The following STK38 variants were observed in gnomAD, a reference collection of about 807,000 sequenced individuals.
STK38 encodes serine/threonine kinase 38.
Under a neutral mutation model 59.0 loss-of-function variants are expected in STK38, and 26 were observed. The ratio of observed to expected loss-of-function variants is 0.44; its 90% CI spans 0.32 to 0.61. The LOEUF (loss-of-function observed/expected upper bound fraction) is 0.61, where lower values mean the gene tolerates loss of function less well. Ranked by LOEUF, STK38 falls within the 20% of genes least tolerant of loss-of-function variation. The pLI is 0.04. For missense variants in STK38, 433 were observed against 566.0 expected (o/e 0.76, Z 2.38); for synonymous variants, 175 against 176.6 (o/e 0.99, Z 0.07).
At chr6:36,528,939 T>C (rs550731822) in intron 2 of STK38, among the ~76,000 whole-genome samples, 2 of 152,332 alleles carry the variant, frequency 1.3e-5, no homozygotes, top group African/African-American at 4.8e-5. Flanking sequence ...ATTAAATTGG[T>C]TGCAGAATAC....
chr6:36,533,539 A>C (rs1240798240), intron 2 of STK38, among the ~76,000 whole-genome samples: 2 of 152,230 alleles, frequency 1.3e-5, no homozygotes, highest in Non-Finnish European at 2.9e-5. Context: ...TTAAGAATCC[A>C]AAGAATGCAA....
chr6:36,508,326 C>T (rs530453470), intron 7 of STK38, among the ~76,000 whole-genome samples: 1 of 152,266 alleles, frequency 6.6e-6, no homozygotes, highest in African/African-American at 2.4e-5. Flanking sequence ...GATGTGCATT[C>T]CATTTTCAAT....
chr6:36,532,894 G>A (rs888887317), intron 2 of STK38, among the ~76,000 whole-genome samples: 3 of 151,570 alleles, frequency 2.0e-5, no homozygotes, highest in East Asian at 1.9e-4. Flanking sequence ...GCAAAACTCC[G>A]TCTCAAAAAC....
chr6:36,542,902 T>A (rs892789539), intron 1 of STK38, among the ~76,000 whole-genome samples: 2 of 150,832 alleles, frequency 1.3e-5, no homozygotes, highest in African/African-American at 4.9e-5. Context: ...GCCGAGATCA[T>A]GCCACTGCAC....
Position 36,495,912 on chromosome 6 carries a change from C to T in STK38, c.1270G>A (p.Ala424Thr). ...TCAGTCTCAGGATGATTACTTGTGG[C>T]CACTGGGAAAGAAATAGATGTGAGA... ...PESDILKPTV[A>T]TSNHPETDYK... Residue 424 changes from alanine (A) to threonine (T), a missense_variant and splice_region_variant, in exon 14 of 14, where the codon GCC becomes ACC. By Grantham distance (58) the Ala-to-Thr change is moderately conservative. Around this residue, in one of 3 missense-constraint regions of STK38, gnomAD observed 136 missense variants for 156.7 expected, o/e 0.87. Transcript: ENST00000229812. The T allele has an allele frequency of 6.2e-7, 1 of 1,613,894 alleles. No homozygotes were observed. Among genetic ancestry groups the T allele is most frequent in the Non-Finnish European group, 8.5e-7 (1 of 1,179,888 alleles).
chr6:36,544,955 C>T (rs1488269089), intron 1 of STK38, among the ~76,000 whole-genome samples: 2 of 152,070 alleles, frequency 1.3e-5, no homozygotes, highest in South Asian at 2.1e-4. Flanking sequence ...ATATAACAGG[C>T]AGTTGAGTAA....
At chr6:36,543,676 C>G (rs926069349) in intron 1 of STK38, among the ~76,000 whole-genome samples, 1 of 152,092 alleles carries the variant, frequency 6.6e-6, no homozygotes, top group African/African-American at 2.4e-5. Context: ...GAGTCTCACT[C>G]TGTCGCCCAG....
chr6:36,510,345 A>G (rs889264419), intron 7 of STK38, among the ~76,000 whole-genome samples: 1 of 152,264 alleles, frequency 6.6e-6, no homozygotes, highest in Non-Finnish European at 1.5e-5. Context: ...ACCAGGTCTC[A>G]GTAGAACCCA....
intron 7 of STK38, among the ~76,000 whole-genome samples, chr6:36,510,857 C>G (rs1250182958): frequency 2.0e-5 from 3 of 152,162 alleles, no homozygotes; most frequent in Non-Finnish European, 4.4e-5. Flanking sequence ...ATTACTTTAC[C>G]CTGCCATCTT....
chr6:36,515,806 G>A (rs982578547), intron 6 of STK38, among the ~76,000 whole-genome samples: 1 of 152,096 alleles, frequency 6.6e-6, no homozygotes. Context: ...TTTTGGACTC[G>A]GGGTAAAATG....
chr6:36,519,349 C>T (rs1160346788), intron 5 of STK38, among the ~76,000 whole-genome samples: 1 of 152,158 alleles, frequency 6.6e-6, no homozygotes, highest in African/African-American at 2.4e-5. Context: ...TTGCTTGCTG[C>T]CCCACAGCCA....
intron 7 of STK38, among the ~76,000 whole-genome samples, chr6:36,513,559 T>C (rs1027478207): frequency 1.3e-5 from 2 of 150,236 alleles, no homozygotes; most frequent in African/African-American, 4.9e-5. Flanking sequence ...GTGATCCGCC[T>C]GCCTCGGCCT....
chr6:36,497,408 A>G (rs1776729971), intron 12 of STK38, among the ~76,000 whole-genome samples: 1 of 150,540 alleles, frequency 6.6e-6, no homozygotes, highest in African/African-American at 2.4e-5. Flanking sequence ...TCTTTCCTCC[A>G]CTCCTTTCTC....
chr6:36,525,455 C>CGGAA, intron 3 of STK38, 136 bp downstream of exon 3: 1 of 668,644 alleles, frequency 1.5e-6, no homozygotes, highest in East Asian at 2.8e-5. Flanking sequence ...CACCCAAATC[C>CGGAA]GGAAGCACAC....
chr6:36,524,905 C>CG (rs1408374004), intron 3 of STK38, among the ~76,000 whole-genome samples: 1 of 152,190 alleles, frequency 6.6e-6, no homozygotes, highest in Non-Finnish European at 1.5e-5. Context: ...TTCTGCAAGC[C>CG]AGTCCTATTT....
At chr6:36,538,908 A>C (rs899550658) in intron 2 of STK38, among the ~76,000 whole-genome samples, 1 of 151,258 alleles carries the variant, frequency 6.6e-6, no homozygotes, top group Non-Finnish European at 1.5e-5. Flanking sequence ...AAAAAAAAAA[A>C]AAAAGGAAAT....
chr6:36,499,440 G>T (rs115792038), intron 10 of STK38, among the ~76,000 whole-genome samples: 2 of 151,976 alleles, frequency 1.3e-5, no homozygotes, highest in Non-Finnish European at 2.9e-5. Flanking sequence ...CCACAGATGC[G>T]TCCCATAAAT....
At chr6:36,510,831 T>C (rs1229738828) in intron 7 of STK38, among the ~76,000 whole-genome samples, 2 of 152,194 alleles carry the variant, frequency 1.3e-5, no homozygotes, top group Non-Finnish European at 2.9e-5. Context: ...GCCCATGCTC[T>C]TCCTCCCAGA....
At chr6:36,543,088 G>T (rs1463121200) in intron 1 of STK38, among the ~76,000 whole-genome samples, 1 of 149,056 alleles carries the variant, frequency 6.7e-6, no homozygotes, top group Non-Finnish European at 1.5e-5. Context: ...TTTTTGAGAC[G>T]AAGTCTCGCT....
Sources: gnomAD v4.1 joint callset for allele counts (sites outside exome capture counted in the v4.1 genomes callset) on GRCh38, gnomAD v4.1.1 for gene constraint, gnomAD v4.1.1 regional missense constraint, MANE v1.5 for transcripts, NCBI Gene and HGNC (gene_info 2026-07-23, HGNC 2026-07-21) for gene names.